Variants in OMA1 observed in about 807,000 individuals in gnomAD.
The protein encoded by OMA1 is metalloendopeptidase OMA1, mitochondrial.
In OMA1, 38 loss-of-function variants were observed where a neutral mutation model predicts 30.9. The observed-to-expected ratio is 1.23, with a 90% CI of 0.95 to 1.61. The LOEUF (loss-of-function observed/expected upper bound fraction) is 1.61, where lower values mean the gene tolerates loss of function less well. Among genes scored for constraint, OMA1 ranks in the 40% most tolerant of loss-of-function variants. The pLI is 0.00. For synonymous variants in OMA1, 173 were observed against 121.9 expected, an observed-to-expected ratio of 1.42 and a Z score of -2.76; for missense variants, 461 against 349.2, an observed-to-expected ratio of 1.32 and a Z score of -2.55.
chr1:58,504,855 A>G (rs1382514753), intron 8 of OMA1, among the ~76,000 whole-genome samples: 3 of 152,200 alleles, frequency 2.0e-5, no homozygotes, highest in Non-Finnish European at 4.4e-5. Flanking sequence ...ATCAAGAACC[A>G]TATCTTATTC....
intron 7 of OMA1, among the ~76,000 whole-genome samples, chr1:58,523,531 G>A (rs1404630994): frequency 6.6e-6 from 1 of 152,172 alleles, no homozygotes; most frequent in African/African-American, 2.4e-5. Context: ...TTGGGGGCAA[G>A]TAGACCATTT....
At chr1:58,535,080 T>C (rs1646495504) in intron 3 of OMA1, among the ~76,000 whole-genome samples, 1 of 152,178 alleles carries the variant, frequency 6.6e-6, no homozygotes, top group South Asian at 2.1e-4. Flanking sequence ...AATAGACATT[T>C]CATTAATTTT....
chr1:58,492,875 C>A (rs1045454462), intron 8 of OMA1, among the ~76,000 whole-genome samples: 3 of 152,136 alleles, frequency 2.0e-5, no homozygotes, highest in African/African-American at 7.2e-5. Flanking sequence ...GAAACTATTC[C>A]AATCAACAGA....
chr1:58,504,977 C>T (rs954417733), intron 8 of OMA1, among the ~76,000 whole-genome samples: 2 of 150,924 alleles, frequency 1.3e-5, no homozygotes, highest in Non-Finnish European at 2.9e-5. Context: ...TTTTTTGAGA[C>T]AGAGTCTCAC....
intron 3 of OMA1, among the ~76,000 whole-genome samples, chr1:58,534,885 G>A (rs111356090): frequency 0.018 from 2,813 of 152,254 alleles, 56 homozygotes; most frequent in East Asian, 0.12. Flanking sequence ...GCAGTGAGCT[G>A]AGATCTCGCC....
chr1:58,492,795 G>T (rs1645721523), intron 8 of OMA1, among the ~76,000 whole-genome samples: 1 of 152,052 alleles, frequency 6.6e-6, no homozygotes, highest in South Asian at 2.1e-4. Flanking sequence ...ACCAAAAAAA[G>T]TCCAGGACCA....
intron 1 of OMA1, among the ~76,000 whole-genome samples, chr1:58,543,810 G>A (rs11207251): frequency 0.65 from 98,839 of 152,090 alleles, 34,209 homozygotes; most frequent in East Asian, 0.94. Context: ...AAACTCAAAC[G>A]TCTAAAGAAG....
At chr1:58,504,143 C>G (rs572148690) in intron 8 of OMA1, among the ~76,000 whole-genome samples, 1 of 152,290 alleles carries the variant, frequency 6.6e-6, no homozygotes, top group East Asian at 1.9e-4. Flanking sequence ...CAAGTCACTC[C>G]TCTGCTCAAT....
At chr1:58,514,180 T>C (rs1333051082) in intron 7 of OMA1, among the ~76,000 whole-genome samples, 1 of 152,164 alleles carries the variant, frequency 6.6e-6, no homozygotes, top group East Asian at 1.9e-4. Flanking sequence ...ACAAGAAGGT[T>C]CTAGTACAAT....
rs566272847 is a variant in OMA1 at position 58,508,397 on chromosome 1, C to T, written c.1216-2188G>A. 3.1e-4 allele frequency among the ~76,000 whole-genome samples: 47 copies of T among 152,238 alleles called. No homozygotes were observed. In the South Asian group the frequency reaches 5.2e-3, roughly 17 times the overall value. On this transcript the variant is annotated intron_variant, in intron 7 of 8. Transcript: ENST00000371226. ...TCCCCACATGAACACACTGATTCAA[C>T]GATAATATACGAATTCCCTTTGTGA...
chr1:58,494,028 C>G (rs1212244851), intron 8 of OMA1, among the ~76,000 whole-genome samples: 1 of 151,816 alleles, frequency 6.6e-6, no homozygotes, highest in Non-Finnish European at 1.5e-5. Flanking sequence ...TACTACAAGG[C>G]TACAGTAACC....
chr1:58,503,380 A>G (rs979786957), intron 8 of OMA1, among the ~76,000 whole-genome samples: 1 of 152,170 alleles, frequency 6.6e-6, no homozygotes, highest in Non-Finnish European at 1.5e-5. Flanking sequence ...CTACCCTTTT[A>G]AGAGGAATAA....
chr1:58,493,223 A>G (rs943655731), intron 8 of OMA1, among the ~76,000 whole-genome samples: 24 of 152,324 alleles, frequency 1.6e-4, no homozygotes, highest in African/African-American at 5.1e-4. Context: ...ACAGCCCTTC[A>G]TGCTAAAAAC....
chr1:58,533,182 C>T (rs1458397097), intron 5 of OMA1, among the ~76,000 whole-genome samples: 1 of 152,076 alleles, frequency 6.6e-6, no homozygotes, highest in African/African-American at 2.4e-5. Context: ...TCAAGATGAA[C>T]AGACATGTAT....
chr1:58,527,902 T>C (rs1052448465), intron 6 of OMA1, among the ~76,000 whole-genome samples: 7 of 152,362 alleles, frequency 4.6e-5, no homozygotes, highest in African/African-American at 1.7e-4. Flanking sequence ...ATAGATACAG[T>C]AACTTTAATT....
At chr1:58,524,383 G>A (rs533816083) in intron 7 of OMA1, among the ~76,000 whole-genome samples, 19 of 152,126 alleles carry the variant, frequency 1.2e-4, no homozygotes, top group East Asian at 3.9e-4. Flanking sequence ...ACCATCCTTC[G>A]CTGGCATTAA....
At chr1:58,528,231 A>G (rs1646381860) in intron 6 of OMA1, among the ~76,000 whole-genome samples, 1 of 152,222 alleles carries the variant, frequency 6.6e-6, no homozygotes, top group African/African-American at 2.4e-5. Context: ...TATTGATAAC[A>G]TAAGGATTTA....
chr1:58,490,953 C>G (rs1645674787), intron 8 of OMA1, among the ~76,000 whole-genome samples: 1 of 151,388 alleles, frequency 6.6e-6, no homozygotes, highest in Non-Finnish European at 1.5e-5. Flanking sequence ...CTACAGGCAC[C>G]CGCTACCAAG....
At chr1:58,493,979 A>C (rs76966308) in intron 8 of OMA1, among the ~76,000 whole-genome samples, 2,208 of 116,000 alleles carry the variant, frequency 0.019, 252 homozygotes, top group Middle Eastern at 0.027. Context: ...AAGCAAAAAG[A>C]ACAAAGCTGG....
Sources: gnomAD v4.1 joint callset for allele counts (sites outside exome capture counted in the v4.1 genomes callset) on GRCh38, gnomAD v4.1.1 for gene constraint, MANE v1.5 for transcripts, NCBI Gene and HGNC (gene_info 2026-07-23, HGNC 2026-07-21) for gene names.